The following CFAP300 variants were observed in gnomAD, a reference collection of about 807,000 sequenced individuals.
CFAP300 encodes cilia- and flagella-associated protein 300.
A neutral mutation model predicts 33.0 loss-of-function variants in CFAP300; 32 were observed. That is an observed-to-expected ratio of 0.97 (90% CI 0.73 to 1.30). The LOEUF (loss-of-function observed/expected upper bound fraction) is 1.30, where lower values mean the gene tolerates loss of function less well. Among genes scored for constraint, CFAP300 ranks in the 50% most tolerant of loss-of-function variants. The pLI is 0.00. For synonymous variants in CFAP300, 102 were observed against 106.8 expected, an observed-to-expected ratio of 0.95 and a Z score of 0.28; for missense variants, 356 against 318.1, an observed-to-expected ratio of 1.12 and a Z score of -0.90.
chr11:102,063,400 C>G (rs753473397), intron 3 of CFAP300, among the ~76,000 whole-genome samples: 1 of 152,194 alleles, frequency 6.6e-6, no homozygotes, highest in African/African-American at 2.4e-5. Flanking sequence ...AAACACATAC[C>G]TTGTCCTTCT....
chr11:102,049,420 C>G (rs1332129881), intron 2 of CFAP300, among the ~76,000 whole-genome samples: 1 of 152,152 alleles, frequency 6.6e-6, no homozygotes, highest in African/African-American at 2.4e-5. Context: ...AGCAACAACG[C>G]TAATTCCAAC....
chr11:102,074,291 A>G (rs1942364372), intron 4 of CFAP300, among the ~76,000 whole-genome samples: 1 of 152,058 alleles, frequency 6.6e-6, no homozygotes, highest in Admixed American at 6.5e-5. Context: ...GCAGCTGCCT[A>G]TTACTAGTCT....
chr11:102,051,449 C>A (rs1476789760), intron 2 of CFAP300, among the ~76,000 whole-genome samples: 1 of 152,108 alleles, frequency 6.6e-6, no homozygotes, highest in African/African-American at 2.4e-5. Context: ...GAATTTAGGC[C>A]TCCCACATCC....
At chr11:102,061,552 G>A (rs1364037340) in intron 3 of CFAP300, among the ~76,000 whole-genome samples, 1 of 152,138 alleles carries the variant, frequency 6.6e-6, no homozygotes, top group African/African-American at 2.4e-5. Flanking sequence ...TATAATGGAT[G>A]CTTCCTATGT....
chr11:102,068,585 G>A (rs1237221185), intron 4 of CFAP300, among the ~76,000 whole-genome samples: 7 of 152,082 alleles, frequency 4.6e-5, no homozygotes, highest in South Asian at 2.1e-4. Context: ...TCAGGAGTTC[G>A]AGACCAGTCT....
intron 3 of CFAP300, among the ~76,000 whole-genome samples, chr11:102,063,655 T>C (rs1942184049): frequency 6.6e-6 from 1 of 152,034 alleles, no homozygotes; most frequent in African/African-American, 2.4e-5. Context: ...CAGCAGACCC[T>C]ATCTCTACAA....
At chr11:102,082,631 T>C (rs1327385735) in intron 6 of CFAP300, among the ~76,000 whole-genome samples, 1 of 152,216 alleles carries the variant, frequency 6.6e-6, no homozygotes, top group Non-Finnish European at 1.5e-5. Flanking sequence ...ATTTTATCCA[T>C]GTTTCCTGTT....
At chr11:102,048,812 T>C (rs1230234077) in intron 2 of CFAP300, among the ~76,000 whole-genome samples, 1 of 152,166 alleles carries the variant, frequency 6.6e-6, no homozygotes. Context: ...AATCCTGTTT[T>C]TTTTTTCTCC....
At chr11:102,077,478 C>T (rs1942413326) in intron 5 of CFAP300, among the ~76,000 whole-genome samples, 1 of 152,224 alleles carries the variant, frequency 6.6e-6, no homozygotes, top group Non-Finnish European at 1.5e-5. Flanking sequence ...GAGTCTCTAA[C>T]TCAAACAAAA....
intron 2 of CFAP300, among the ~76,000 whole-genome samples, chr11:102,053,789 G>C (rs1942008791): frequency 6.6e-6 from 1 of 152,188 alleles, no homozygotes; most frequent in Admixed American, 6.5e-5. Context: ...TCAAGATCTA[G>C]ATCGATTTTA....
chr11:102,069,014 A>G (rs1162706093), intron 4 of CFAP300, among the ~76,000 whole-genome samples: 2 of 152,198 alleles, frequency 1.3e-5, no homozygotes, highest in Non-Finnish European at 2.9e-5. Context: ...TGTCACTTCT[A>G]CAGAAAGAGC....
chr11:102,047,925 G>C (rs754129004), intron 2 of CFAP300, 29 bp downstream of exon 2: 1 of 1,606,294 alleles, frequency 6.2e-7, no homozygotes, highest in East Asian at 2.2e-5. Context: ...GAGTTCCCTG[G>C]GTCTCTGCGG....
rs548722815 is a variant in CFAP300, at chr11:102,053,877, G to A, written c.193-5003G>A. On this transcript the variant is annotated intron_variant, in intron 2 of 6. Transcript: ENST00000434758. ...CTTATCTGACCATTGCTGCTTCTGG[G>A]TCACACCAAACCTCTTCACTTTCCT... Among the ~76,000 whole-genome samples, 6 of 152,246 alleles carry A rather than the reference G, an allele frequency of 3.9e-5. No homozygotes were observed. The South Asian group carries it at 1.2e-3, about 32-fold the overall frequency.
intron 2 of CFAP300, among the ~76,000 whole-genome samples, chr11:102,051,599 A>G (rs944796105): frequency 3.3e-5 from 5 of 152,264 alleles, no homozygotes; most frequent in African/African-American, 9.6e-5. Context: ...TATATACTTA[A>G]ATAATTTAGA....
At chr11:102,081,915 A>G (rs1374465959) in intron 6 of CFAP300, among the ~76,000 whole-genome samples, 2 of 151,120 alleles carry the variant, frequency 1.3e-5, no homozygotes, top group Non-Finnish European at 2.9e-5. Flanking sequence ...AAAGAATGCC[A>G]TAAATGTGTC....
At chr11:102,062,044 A>G (rs1942156067) in intron 3 of CFAP300, among the ~76,000 whole-genome samples, 1 of 152,160 alleles carries the variant, frequency 6.6e-6, no homozygotes, top group African/African-American at 2.4e-5. Flanking sequence ...CCTTTGGAAA[A>G]TAAATTAGGT....
chr11:102,070,586 T>A (rs1315177463), intron 4 of CFAP300, among the ~76,000 whole-genome samples: 1 of 152,188 alleles, frequency 6.6e-6, no homozygotes, highest in African/African-American at 2.4e-5. Context: ...ATTTATTTCC[T>A]TATACTAACT....
chr11:102,079,657 A>G (rs574279473), intron 5 of CFAP300, among the ~76,000 whole-genome samples: 2 of 152,296 alleles, frequency 1.3e-5, no homozygotes, highest in East Asian at 3.9e-4. Context: ...TTACATATGT[A>G]GTAGATGGAG....
intron 4 of CFAP300, among the ~76,000 whole-genome samples, chr11:102,072,529 T>C (rs1234010581): frequency 6.6e-6 from 1 of 152,080 alleles, no homozygotes; most frequent in East Asian, 1.9e-4. Context: ...TCTCAAACTC[T>C]TGGGCTCAAG....
Sources: gnomAD v4.1 joint callset for allele counts (sites outside exome capture counted in the v4.1 genomes callset) on GRCh38, gnomAD v4.1.1 for gene constraint, MANE v1.5 for transcripts, NCBI Gene and HGNC (gene_info 2026-07-23, HGNC 2026-07-21) for gene names.